CBLB: variants seen among roughly 807,000 people sequenced by gnomAD.
CBLB encodes Cbl proto-oncogene B, also known as E3 ubiquitin-protein ligase CBL-B.
In CBLB, 31 loss-of-function variants were observed where a neutral mutation model predicts 104.9. The observed-to-expected ratio is 0.30, with a 90% confidence interval of 0.22 to 0.40. CBLB has a LOEUF of 0.40. CBLB is among the 10% of genes least tolerant of loss of function. The probability of loss-of-function intolerance (pLI) is 1.00; values close to 1 mark genes in which losing one functional copy is unlikely to be tolerated. For synonymous variants in CBLB, 440 were observed against 422.6 expected (o/e 1.04, Z -0.51); for missense variants, 1,062 against 1,214.6 (o/e 0.87, Z 1.87).
intron 4 of CBLB, among the ~76,000 whole-genome samples, chr3:105,768,890 G>A (rs1041347767): frequency 6.6e-6 from 1 of 151,984 alleles, no homozygotes. Context: ...AGGGAAGAGA[G>A]GCATCTAAGG....
At chr3:105,764,483 C>A (rs1035725697) in intron 4 of CBLB, among the ~76,000 whole-genome samples, 1 of 152,080 alleles carries the variant, frequency 6.6e-6, no homozygotes, top group African/African-American at 2.4e-5. Context: ...ATGAACCATG[C>A]CCATGTAAGA....
intron 3 of CBLB, among the ~76,000 whole-genome samples, chr3:105,815,509 G>A (rs1047940285): frequency 5.3e-5 from 8 of 152,028 alleles, no homozygotes; most frequent in African/African-American, 1.2e-4. Context: ...ACCATCTCAC[G>A]CCAGTTAGAA....
chr3:105,821,385 A>G (rs2085841274), intron 3 of CBLB, among the ~76,000 whole-genome samples: 1 of 152,090 alleles, frequency 6.6e-6, no homozygotes, highest in Non-Finnish European at 1.5e-5. Context: ...ACCTTCCTAA[A>G]AGCCAACTGC....
At chr3:105,692,194 A>G (rs1398846934) in intron 13 of CBLB, among the ~76,000 whole-genome samples, 5 of 152,216 alleles carry the variant, frequency 3.3e-5, no homozygotes, top group African/African-American at 9.6e-5. Flanking sequence ...ATTTAAATCA[A>G]TAAACCAAGC....
At chr3:105,864,737 C>T (rs1330525430) in intron 2 of CBLB, among the ~76,000 whole-genome samples, 1 of 152,146 alleles carries the variant, frequency 6.6e-6, no homozygotes, top group East Asian at 1.9e-4. Flanking sequence ...GAAAACAGAA[C>T]ATTAATTGGA....
At chr3:105,727,073 T>C (rs2073749197) in intron 9 of CBLB, among the ~76,000 whole-genome samples, 2 of 152,216 alleles carry the variant, frequency 1.3e-5, no homozygotes, top group South Asian at 4.1e-4. Flanking sequence ...TACCCAGTAA[T>C]GGGATTGCTG....
rs148754857 is a variant in CBLB, at chr3:105,851,917, T to C, written c.419+1497A>G. On this transcript the variant is annotated intron_variant, in intron 3 of 18. Transcript: ENST00000394030. ...TGATGTCATAGTCATCACAAGGTCA[T>C]AGTGCAACATATTACATGTTTGTGG... 9.8e-5 allele frequency among the ~76,000 whole-genome samples: 15 copies of C among 152,286 alleles called. No individual in the cohort carries two copies. In the East Asian group the frequency reaches 2.1e-3, roughly 22 times the overall value.
chr3:105,696,314 G>T (rs940463508), intron 12 of CBLB, among the ~76,000 whole-genome samples: 1 of 151,618 alleles, frequency 6.6e-6, no homozygotes, highest in Non-Finnish European at 1.5e-5. Flanking sequence ...CATATTTATT[G>T]ACGGTGGCTA....
chr3:105,868,890 G>C lies in CBLB; in HGVS notation c.-169C>G. The C allele has an allele frequency of 9.8e-7, 1 of 1,016,638 alleles. No homozygotes were observed. The highest frequency in any genetic ancestry group is 1.2e-6 in the Non-Finnish European group (1 of 850,580). 63.0% of individuals were successfully genotyped at this position (1,016,638 alleles called of 1,614,324 possible). A position where few individuals can be genotyped will look rare whatever the true frequency, so the allele number is the denominator to read the frequency against. ...AGCAACCCAGCGCGCAGGCCTCCGA[G>C]ACGTGGAAACGCAACAATTACCGTC... On this transcript the variant is annotated 5_prime_UTR_variant, in exon 1 of 19. Transcript: ENST00000394030.
intron 3 of CBLB, among the ~76,000 whole-genome samples, chr3:105,849,010 G>A (rs1210420413): frequency 6.6e-6 from 1 of 152,084 alleles, no homozygotes; most frequent in African/African-American, 2.4e-5. Flanking sequence ...ATCTCATAAT[G>A]CTGACTATTC....
intron 4 of CBLB, among the ~76,000 whole-genome samples, chr3:105,764,521 C>G (rs991985287): frequency 6.6e-6 from 1 of 152,180 alleles, no homozygotes; most frequent in African/African-American, 2.4e-5. Flanking sequence ...TATGTTCTCA[C>G]TGCTCCACCA....
chr3:105,772,896 A>G (rs1345996083), intron 4 of CBLB, among the ~76,000 whole-genome samples: 1 of 152,198 alleles, frequency 6.6e-6, no homozygotes, highest in African/African-American at 2.4e-5. Context: ...ATAGATGTTG[A>G]CGTGGATGTT....
chr3:105,763,567 C>T (rs7634424), intron 4 of CBLB, among the ~76,000 whole-genome samples: 5,970 of 152,262 alleles, frequency 0.039, 163 homozygotes, highest in Middle Eastern at 0.099. Flanking sequence ...CCTTCCACCA[C>T]GATTGTGAGG....
chr3:105,807,929 C>T (rs982240368), intron 3 of CBLB, among the ~76,000 whole-genome samples: 3 of 152,116 alleles, frequency 2.0e-5, no homozygotes, highest in Non-Finnish European at 4.4e-5. Context: ...TCCCTTGATG[C>T]GTCAGTGAGT....
At chr3:105,739,008 G>A (rs2075257994) in intron 7 of CBLB, among the ~76,000 whole-genome samples, 1 of 152,128 alleles carries the variant, frequency 6.6e-6, no homozygotes, top group African/African-American at 2.4e-5. Context: ...CCCAGGCTCA[G>A]GTGATTAACC....
At chr3:105,849,500 A>T (rs949256366) in intron 3 of CBLB, among the ~76,000 whole-genome samples, 1 of 152,176 alleles carries the variant, frequency 6.6e-6, no homozygotes, top group Admixed American at 6.6e-5. Context: ...TATGAGAGCT[A>T]TCAAAATCTA....
At chr3:105,766,078 A>C (rs946760768) in intron 4 of CBLB, among the ~76,000 whole-genome samples, 2 of 152,150 alleles carry the variant, frequency 1.3e-5, no homozygotes, top group Non-Finnish European at 2.9e-5. Flanking sequence ...GTGAATTCCA[A>C]ATCTCATGGA....
In CBLB at chr3:105,659,110, C is replaced by A; in HGVS notation, c.2809G>T (p.Ala937Ser). The A allele has an allele frequency of 6.2e-7, 1 of 1,613,954 alleles. No homozygotes were observed. The highest frequency in any genetic ancestry group is 8.5e-7 in the Non-Finnish European group (1 of 1,179,928). The change falls in exon 19 of 19, where the codon GCA (alanine) becomes TCA (serine). Residue 937 changes from alanine (A) to serine (S), a missense_variant. Ala to Ser is a moderately conservative substitution (Grantham distance 99). Coordinates refer to ENST00000394030, the MANE Select transcript of CBLB (RefSeq NM_170662.5). ...AALENVDAKI[A>S]KLMGEGYAFE... ...GCATAACCCTCTCCCATGAGTTTTG[C>A]AATTTTTGCATCGACATTTTCCAAT...
At chr3:105,846,356 C>T (rs1220475980) in intron 3 of CBLB, among the ~76,000 whole-genome samples, 1 of 151,924 alleles carries the variant, frequency 6.6e-6, no homozygotes, top group Non-Finnish European at 1.5e-5. Flanking sequence ...TGTATCATTA[C>T]ATATTTCATA....
Sources: allele counts gnomAD v4.1 joint callset (sites outside exome capture counted in the v4.1 genomes callset), GRCh38; gene constraint gnomAD v4.1.1; transcripts MANE v1.5; gene names NCBI Gene and HGNC (gene_info 2026-07-23, HGNC 2026-07-21).